ANGPT1: variants seen among roughly 807,000 people sequenced by gnomAD.
ANGPT1 encodes angiopoietin 1, also known as angiopoietin-1.
ANGPT1 carries 17 observed loss-of-function variants against 62.2 expected under a neutral mutation model. That is an observed-to-expected ratio of 0.27 (90% CI 0.19 to 0.41). The LOEUF (loss-of-function observed/expected upper bound fraction) is 0.41. ANGPT1 is among the 10% of genes least tolerant of loss of function. The probability of loss-of-function intolerance (pLI) is 1.00; values close to 1 mark genes in which losing one functional copy is unlikely to be tolerated. For missense variants in ANGPT1, 478 were observed against 594.9 expected, an observed-to-expected ratio of 0.80 and a Z score of 2.04; for synonymous variants, 199 against 198.9, an observed-to-expected ratio of 1.00 and a Z score of 0.00.
At chr8:107,428,717 G>T (rs1219083408) in intron 1 of ANGPT1, among the ~76,000 whole-genome samples, 1 of 151,900 alleles carries the variant, frequency 6.6e-6, no homozygotes, top group Non-Finnish European at 1.5e-5. Context: ...GCTTTTTTAA[G>T]CAAGGACACG....
chr8:107,407,030 C>A (rs1009028294), intron 1 of ANGPT1, among the ~76,000 whole-genome samples: 1 of 152,060 alleles, frequency 6.6e-6, no homozygotes, highest in Admixed American at 6.6e-5. Flanking sequence ...TTGATGTGTT[C>A]CTTCCTCTTT....
intron 7 of ANGPT1, among the ~76,000 whole-genome samples, chr8:107,266,371 G>A (rs1813614404): frequency 6.6e-6 from 1 of 152,174 alleles, no homozygotes; most frequent in Non-Finnish European, 1.5e-5. Flanking sequence ...ACTTTTGTCA[G>A]GCCTCCATTT....
At chr8:107,410,028 T>C (rs969273531) in intron 1 of ANGPT1, among the ~76,000 whole-genome samples, 3 of 152,014 alleles carry the variant, frequency 2.0e-5, no homozygotes, top group Non-Finnish European at 4.4e-5. Flanking sequence ...TGCTAAGTAA[T>C]AGGAAAGTTA....
Position 107,285,407 on chromosome 8 carries a change from A to G in ANGPT1, c.1039-559T>C, listed in dbSNP as rs777020956. Among the ~76,000 whole-genome samples the G allele has an allele frequency of 3.1e-4, 47 of 152,246 alleles. 1 individual carries two copies. The highest frequency in any genetic ancestry group is 5.0e-4 in the Non-Finnish European group (34 of 67,986). On this transcript the variant is annotated intron_variant, in intron 6 of 8. Coordinates refer to ENST00000517746, the MANE Select transcript of ANGPT1 (RefSeq NM_001146.5). ...TACTTTTGCACCAAACTAATAGATT[A>G]CTAGAACCATGACTTTTGGAGCTTT...
At chr8:107,402,998 G>A (rs1817075524) in intron 1 of ANGPT1, among the ~76,000 whole-genome samples, 1 of 152,072 alleles carries the variant, frequency 6.6e-6, no homozygotes, top group Admixed American at 6.6e-5. Context: ...AATTGCTTTT[G>A]GATACAGGTG....
rs546168280 is a variant in ANGPT1 at position 107,264,088 on chromosome 8, C to G, written c.1336+133G>C. 216 of 1,122,448 alleles carry G rather than the reference C, an allele frequency of 1.9e-4. 1 individual carries two copies. The highest frequency in any genetic ancestry group is 1.8e-3 in the South Asian group (76 of 41,740). The allele number at this position is 1,122,448 out of a possible 1,614,324, so 69.5% of individuals were successfully genotyped here. On this transcript the variant is annotated intron_variant, in intron 8 of 8. Transcript: ENST00000517746. The stretch of plus-strand genomic sequence containing the variant: ...CAAGAACGCAGGGTAAATTCGTGGG[C>G]AGAACAAAATGATCTCTAGGGACTT...
intron 8 of ANGPT1, among the ~76,000 whole-genome samples, chr8:107,257,652 CACTA>C (rs777786031): frequency 1.1e-4 from 17 of 152,242 alleles, no homozygotes; most frequent in South Asian, 2.1e-4. Flanking sequence ...CATCTTTCAT[CACTA>C]ACTAAGAATG....
intron 1 of ANGPT1, among the ~76,000 whole-genome samples, chr8:107,418,884 T>C (rs535169128): frequency 6.6e-6 from 1 of 152,314 alleles, no homozygotes; most frequent in African/African-American, 2.4e-5. Context: ...CTAGGATAAG[T>C]ACTCTCTCAA....
intron 3 of ANGPT1, 66 bp from the exon 4 acceptor site, chr8:107,322,194 A>G (rs1815170533): frequency 8.7e-7 from 1 of 1,143,010 alleles, no homozygotes; most frequent in Admixed American, 2.7e-5. Flanking sequence ...CTTATAATTC[A>G]ATTGGTTCCT....
intron 1 of ANGPT1, among the ~76,000 whole-genome samples, chr8:107,385,429 C>T (rs777623356): frequency 3.4e-4 from 51 of 152,092 alleles, no homozygotes; most frequent in African/African-American, 1.1e-3. Flanking sequence ...TGGCTCTCAG[C>T]TTGGATGTTA....
At chr8:107,401,747 T>C (rs1054879609) in intron 1 of ANGPT1, among the ~76,000 whole-genome samples, 1 of 152,178 alleles carries the variant, frequency 6.6e-6, no homozygotes, top group African/African-American at 2.4e-5. Context: ...CACATAACAC[T>C]GCAACAAACA....
rs548158677 is a variant in ANGPT1, at chr8:107,422,529, C to T, written c.297+74733G>A. ...AATTCAGAGCACAACTGATACTAAT[C>T]TTGTTTCCTTGGTCAGGCTTTGGAA... On this transcript the variant is annotated intron_variant, in intron 1 of 8. Coordinates refer to ENST00000517746, the MANE Select transcript of ANGPT1 (RefSeq NM_001146.5). Among the ~76,000 whole-genome samples the T allele has an allele frequency of 1.5e-3, 229 of 152,290 alleles. 5 individuals carry two copies. In the South Asian group the frequency reaches 0.046, roughly 31 times the overall value.
chr8:107,456,911 C>T (rs942090395), intron 1 of ANGPT1, among the ~76,000 whole-genome samples: 12 of 152,004 alleles, frequency 7.9e-5, no homozygotes, highest in African/African-American at 2.7e-4. Flanking sequence ...CAAAAAGTTC[C>T]TGTCCTTACA....
chr8:107,460,732 A>G (rs1273921938), intron 1 of ANGPT1, among the ~76,000 whole-genome samples: 1 of 152,188 alleles, frequency 6.6e-6, no homozygotes, highest in Admixed American at 6.5e-5. Context: ...ATTACAGGCA[A>G]TTTTTATGAT....
intron 7 of ANGPT1, among the ~76,000 whole-genome samples, chr8:107,271,980 G>C (rs1168994961): frequency 1.3e-5 from 2 of 150,572 alleles, no homozygotes; most frequent in African/African-American, 2.4e-5. Flanking sequence ...ACTACTTGCT[G>C]AAAGCTTTCT....
intron 7 of ANGPT1, among the ~76,000 whole-genome samples, chr8:107,276,451 G>T (rs1169033184): frequency 6.6e-6 from 1 of 151,720 alleles, no homozygotes; most frequent in Admixed American, 6.6e-5. Flanking sequence ...TAGCCCAGAG[G>T]ATCAGAGAAA....
intron 6 of ANGPT1, among the ~76,000 whole-genome samples, chr8:107,291,351 G>T (rs896660921): frequency 3.9e-5 from 6 of 152,098 alleles, no homozygotes; most frequent in Admixed American, 3.9e-4. Flanking sequence ...TAAGGTGCAG[G>T]TTAGGTGATC....
At chr8:107,269,662 AT>A (rs939182632) in intron 7 of ANGPT1, among the ~76,000 whole-genome samples, 3 of 151,972 alleles carry the variant, frequency 2.0e-5, no homozygotes, top group African/African-American at 7.2e-5. Context: ...TAAAAACAAA[AT>A]GTTCCTCCAG....
chr8:107,432,260 AT>A (rs1176715868), intron 1 of ANGPT1, among the ~76,000 whole-genome samples: 1 of 151,688 alleles, frequency 6.6e-6, no homozygotes, highest in Non-Finnish European at 1.5e-5. Context: ...TTTTGGGATT[AT>A]TCCTTTTCTA....
Sources: gnomAD v4.1 joint callset for allele counts (sites outside exome capture counted in the v4.1 genomes callset) on GRCh38, gnomAD v4.1.1 for gene constraint, MANE v1.5 for transcripts, NCBI Gene and HGNC (gene_info 2026-07-23, HGNC 2026-07-21) for gene names.